Variants in SRP72 observed in about 807,000 individuals in gnomAD.
The protein encoded by SRP72 is signal recognition particle subunit SRP72.
Under a neutral mutation model 96.3 loss-of-function variants are expected in SRP72, and 49 were observed. That is an observed-to-expected ratio of 0.51 (90% CI 0.40 to 0.65). SRP72 has a LOEUF of 0.65. Among genes scored for constraint, SRP72 ranks in the 30% least tolerant of loss-of-function variants. The pLI is 0.00. For synonymous variants in SRP72, 267 were observed against 275.2 expected, an observed-to-expected ratio of 0.97 and a Z score of 0.30; for missense variants, 736 against 793.3, an observed-to-expected ratio of 0.93 and a Z score of 0.87.
intron 1 of SRP72, 29 bp downstream of exon 1, chr4:56,467,773 G>GGGGCAGGGGGGGGGC: frequency 3.7e-6 from 4 of 1,078,580 alleles, no homozygotes; most frequent in Non-Finnish European, 5.2e-6. Flanking sequence ...ACTGGGGCGG[G>GGGGCAGGGGGGGGGC]CCCAGGCCGG....
intron 16 of SRP72, among the ~76,000 whole-genome samples, chr4:56,492,268 T>G (rs1463078576): frequency 6.6e-6 from 1 of 152,230 alleles, no homozygotes; most frequent in African/African-American, 2.4e-5. Context: ...GGATGTGCCT[T>G]CCTTTACCTT....
chr4:56,475,074 T>C (rs1720153138), intron 5 of SRP72, among the ~76,000 whole-genome samples: 1 of 152,244 alleles, frequency 6.6e-6, no homozygotes, highest in African/African-American at 2.4e-5. Flanking sequence ...GCATAAATTT[T>C]TCCCTGGAAG....
chr4:56,473,231 G>A (rs1266095045), intron 3 of SRP72, among the ~76,000 whole-genome samples: 1 of 152,002 alleles, frequency 6.6e-6, no homozygotes, highest in Non-Finnish European at 1.5e-5. Flanking sequence ...AGGCCAAGGC[G>A]GGCGGATCAT....
chr4:56,500,010 G>C (rs68101565), intron 17 of SRP72, among the ~76,000 whole-genome samples: 49,898 of 152,014 alleles, frequency 0.33, 8,523 homozygotes, highest in East Asian at 0.47. Flanking sequence ...GTGGCACATA[G>C]ACACCATCAA....
intron 12 of SRP72, 108 bp downstream of exon 12, chr4:56,488,121 G>C: frequency 2.9e-6 from 2 of 690,260 alleles, no homozygotes; most frequent in South Asian, 4.2e-5. Flanking sequence ...TTTAAGGTAG[G>C]AGTAGTAATT....
intron 9 of SRP72, among the ~76,000 whole-genome samples, chr4:56,484,330 G>A (rs78635101): frequency 3.0e-4 from 45 of 151,994 alleles, no homozygotes; most frequent in African/African-American, 7.2e-4. Flanking sequence ...CACCACGCCC[G>A]GCCGAGAGAC....
chr4:56,489,247 C>G, intron 12 of SRP72, 141 bp from the exon 13 acceptor site: 1 of 441,866 alleles, frequency 2.3e-6, no homozygotes, highest in Non-Finnish European at 4.1e-6. Context: ...TAACTATGTT[C>G]TCTAAAGGGA....
chr4:56,473,457 C>CAA lies in SRP72; in HGVS notation c.355-585_355-584dup, dbSNP rs536634526. On this transcript the variant is annotated intron_variant, in intron 3 of 18. Coordinates refer to ENST00000642900, the MANE Select transcript of SRP72 (RefSeq NM_006947.4). ...TGGGTGACAGAGCGAGACTCCATCT[C>CAA]AAAAAAAAAAAAAGAAAATCAGTTT... is the stretch of plus-strand genomic sequence containing the variant. 5.6e-4 allele frequency among the ~76,000 whole-genome samples: 73 copies of CAA among 129,564 alleles called. No homozygotes were observed. The East Asian group carries it at 0.011, about 20-fold the overall frequency. The allele number at this position is 129,564 out of a possible 152,430, so 85.0% of individuals were successfully genotyped here. A position where few individuals can be genotyped will look rare whatever the true frequency, so the allele number is the denominator to read the frequency against.
chr4:56,490,081 C>G (rs1412731519), intron 13 of SRP72, among the ~76,000 whole-genome samples: 1 of 152,132 alleles, frequency 6.6e-6, no homozygotes, highest in East Asian at 1.9e-4. Context: ...GGAATGTTTC[C>G]AGTTGTAGAC....
Position 56,500,626 on chromosome 4 carries a change from A to G in SRP72, c.1769A>G (p.Lys590Arg), listed in dbSNP as rs142971238. 15 of 1,613,994 alleles carry G rather than the reference A, an allele frequency of 9.3e-6. No individual in the cohort carries two copies. Among genetic ancestry groups the G allele is most frequent in the Admixed American group, 1.7e-5 (1 of 59,988 alleles). The change falls in exon 18 of 19, where the codon AAG (lysine) becomes AGG (arginine). Residue 590 changes from lysine (K) to arginine (R), a missense_variant. Coordinates refer to ENST00000642900, the MANE Select transcript of SRP72 (RefSeq NM_006947.4). ...GAACGTTCTTACTACCGGGGAAGAAAGAAGGGTAAAAAGAAGGATCAGATT... is the reference window on the plus strand; with the variant it reads ...GAACGTTCTTACTACCGGGGAAGAAGGAAGGGTAAAAAGAAGGATCAGATT... ...MRERSYYRGR[K>R]KGKKKDQIGK...
intron 11 of SRP72, among the ~76,000 whole-genome samples, chr4:56,487,686 T>C (rs1037512289): frequency 1.3e-5 from 2 of 152,202 alleles, no homozygotes; most frequent in Admixed American, 6.5e-5. Context: ...GGAGACTTCT[T>C]TTCTGGTAGC....
At chr4:56,496,071 A>G (rs1721065343) in intron 17 of SRP72, among the ~76,000 whole-genome samples, 1 of 152,214 alleles carries the variant, frequency 6.6e-6, no homozygotes, top group African/African-American at 2.4e-5. Context: ...AACCAGGGAA[A>G]TAATGTGCAT....
chr4:56,489,481 C>A lies in SRP72; in HGVS notation c.1318C>A (p.Gln440Lys). The change falls in exon 13 of 19, where the codon CAG (glutamine) becomes AAG (lysine). Residue 440 changes from glutamine to lysine, a missense_variant and splice_region_variant. Gln to Lys is a moderately conservative substitution (Grantham distance 53). Transcript: ENST00000642900. ...TQAIQWYQNH[Q>K]PKSPAHLSLI... ...AGCTATCCAGTGGTATCAAAACCAT[C>A]AGGTAAATAAATGGAGTAAAATGTT... The A allele has an allele frequency of 6.4e-7, 1 of 1,559,586 alleles. No individual in the cohort carries two copies. Among genetic ancestry groups the A allele is most frequent in the South Asian group, 1.2e-5 (1 of 85,904 alleles).
intron 16 of SRP72, 135 bp downstream of exon 16, chr4:56,491,703 C>G: frequency 1.2e-6 from 1 of 849,322 alleles, no homozygotes; most frequent in Non-Finnish European, 1.8e-6. Context: ...CTCACTGTGC[C>G]CAGCTCTTTG....
intron 11 of SRP72, 25 bp from the exon 12 acceptor site, chr4:56,487,924 T>C: frequency 1.9e-6 from 3 of 1,544,934 alleles, no homozygotes; most frequent in Non-Finnish European, 1.8e-6. Flanking sequence ...TTCTATGTAA[T>C]GCTGATTTTG....
intron 3 of SRP72, among the ~76,000 whole-genome samples, chr4:56,472,788 A>G (rs1246049083): frequency 6.6e-6 from 1 of 152,224 alleles, no homozygotes; most frequent in East Asian, 1.9e-4. Context: ...GGTCTATAAA[A>G]AACTTTTAAG....
At chr4:56,494,039 G>A in intron 16 of SRP72, among the ~76,000 whole-genome samples, 1 of 152,174 alleles carries the variant, frequency 6.6e-6, no homozygotes, top group East Asian at 1.9e-4. Flanking sequence ...TGATTGTGTT[G>A]ACTCTGAGGA....
rs1490380047 is a variant in SRP72 at position 56,503,289 on chromosome 4, T to C, written c.*1428T>C. On this transcript the variant is annotated 3_prime_UTR_variant, in exon 19 of 19. Coordinates refer to ENST00000642900, the MANE Select transcript of SRP72 (RefSeq NM_006947.4). ...TCTACAGAGAACAGTCTTTTGGTAA[T>C]AGTGGCAGGTATTTATTCCTTCTGA... 2 of 152,194 alleles carry C rather than the reference T, an allele frequency of 1.3e-5. No individual in the cohort carries two copies. The highest frequency in any genetic ancestry group is 2.4e-5 in the African/African-American group (1 of 41,454). 9.4% of individuals were successfully genotyped at this position (152,194 alleles called of 1,614,324 possible).
At chr4:56,468,924 G>A (rs1361586707) in intron 1 of SRP72, among the ~76,000 whole-genome samples, 6 of 152,178 alleles carry the variant, frequency 3.9e-5, no homozygotes, top group Admixed American at 2.0e-4. Context: ...TTCTGTAGTT[G>A]CACAGGAGCA....
Sources: gnomAD v4.1 joint callset for allele counts (sites outside exome capture counted in the v4.1 genomes callset) on GRCh38, gnomAD v4.1.1 for gene constraint, MANE v1.5 for transcripts, NCBI Gene and HGNC (gene_info 2026-07-23, HGNC 2026-07-21) for gene names.